Variants in GTF3C5 observed in about 807,000 individuals in gnomAD.
GTF3C5 encodes general transcription factor 3C polypeptide 5.
A neutral mutation model predicts 61.0 loss-of-function variants in GTF3C5; 47 were observed. That is an observed-to-expected ratio of 0.77 (90% CI 0.61 to 0.98). GTF3C5 has a LOEUF of 0.98. Among genes scored for constraint, GTF3C5 ranks in the 50% least tolerant of loss-of-function variants. The pLI, the probability that GTF3C5 is intolerant of heterozygous loss-of-function variation, is 0.00. For synonymous variants in GTF3C5, 295 were observed against 275.4 expected, an observed-to-expected ratio of 1.07 and a Z score of -0.71; for missense variants, 659 against 703.3, an observed-to-expected ratio of 0.94 and a Z score of 0.71.
rs919758170 is a variant in GTF3C5 at position 133,055,903 on chromosome 9, C to T, written c.1168-109C>T. ...TGTCTGCCCAACCTGCTCCTGGTGA[C>T]CAGCCAGCTCCCTGGAGAGACCCCA... is the stretch of plus-strand genomic sequence containing the variant. On this transcript the variant is annotated intron_variant, in intron 8 of 10. Transcript: ENST00000372097. 3.1e-5 allele frequency: 47 copies of T among 1,498,330 alleles called. No homozygotes were observed. In the African/African-American group the frequency reaches 5.8e-4, roughly 19 times the overall value. The allele number at this position is 1,498,330 out of a possible 1,614,324, so 92.8% of individuals were successfully genotyped here.
chr9:133,053,861 T>C lies in GTF3C5; in HGVS notation c.907T>C (p.Phe303Leu). The change falls in exon 6 of 11, where the codon TTT (phenylalanine) becomes CTT (leucine). Residue 303 changes from phenylalanine (F) to leucine (L), a missense_variant. Transcript: ENST00000372097. Reference protein sequence around the residue: ...TGPWRSLWIRFGYDPRKNPDA... With the variant: ...TGPWRSLWIRLGYDPRKNPDA... ...CCCCTGGCGCAGCCTATGGATTCGA[T>C]TTGGGTATGACCCCCGAAAAAACCC... 6.2e-7 allele frequency: 1 copy of C among 1,612,654 alleles called. No homozygotes were observed. Among genetic ancestry groups the C allele is most frequent in the Non-Finnish European group, 8.5e-7 (1 of 1,179,026 alleles).
chr9:133,049,446 A>G (rs1850307484), intron 3 of GTF3C5, among the ~76,000 whole-genome samples: 1 of 152,256 alleles, frequency 6.6e-6, no homozygotes, highest in East Asian at 1.9e-4. Flanking sequence ...GTAAGTGTGC[A>G]GATGCTATGT....
At chr9:133,045,404 G>A (rs1351883596) in intron 3 of GTF3C5, among the ~76,000 whole-genome samples, 1 of 152,192 alleles carries the variant, frequency 6.6e-6, no homozygotes, top group East Asian at 1.9e-4. Flanking sequence ...CCTGATTTTT[G>A]TATGCTCTAC....
At chr9:133,040,408 C>G (rs553743505) in intron 1 of GTF3C5, among the ~76,000 whole-genome samples, 1 of 152,094 alleles carries the variant, frequency 6.6e-6, no homozygotes, top group Non-Finnish European at 1.5e-5. Context: ...TCGTTGTGAC[C>G]CAGCATTGGG....
At chr9:133,036,228 TAGG>T (rs1849856177) in intron 1 of GTF3C5, among the ~76,000 whole-genome samples, 1 of 152,226 alleles carries the variant, frequency 6.6e-6, no homozygotes. Flanking sequence ...GATTCCCTGT[TAGG>T]AGACCTGCTG....
intron 1 of GTF3C5, 114 bp downstream of exon 1, chr9:133,031,278 T>C: frequency 2.4e-6 from 2 of 838,138 alleles, no homozygotes; most frequent in South Asian, 1.7e-5. Context: ...CGCAGAAGGG[T>C]GCTGCTCGCT....
rs567495399 is a variant in GTF3C5 at position 133,049,856 on chromosome 9, C to T, written c.573-927C>T. On this transcript the variant is annotated intron_variant, in intron 3 of 10. Coordinates refer to ENST00000372097, the MANE Select transcript of GTF3C5 (RefSeq NM_012087.4). ...GATTTCTCCTATGCCCCCCAGCCAC[C>T]CCCACTCAGCCTCCCCCGTGATCAG... Among the ~76,000 whole-genome samples, 283 of 147,228 alleles carry T rather than the reference C, an allele frequency of 1.9e-3. 1 individual carries two copies. Among genetic ancestry groups the T allele is most frequent in the South Asian group, 0.014 (67 of 4,814 alleles).
chr9:133,042,481 C>G (rs1048840095), intron 2 of GTF3C5, among the ~76,000 whole-genome samples, 175 bp downstream of exon 2: 3 of 152,246 alleles, frequency 2.0e-5, no homozygotes, highest in African/African-American at 7.2e-5. Context: ...TTCCCTCCAG[C>G]CAACAGTTCC....
In GTF3C5 at chr9:133,057,814, C is replaced by T. The variant is rs754394294; in HGVS notation, c.1394C>T (p.Ala465Val). Residue 465 changes from alanine to valine, a missense_variant and splice_region_variant, in exon 11 of 11, where the codon GCT (alanine) becomes GTT (valine). Coordinates refer to ENST00000372097, the MANE Select transcript of GTF3C5 (RefSeq NM_012087.4). ...IRQTIRSKRP[A>V]LFSSSAKADG... ...ATGGCCTTGTCTCCTCCGGCCCCAG[C>T]TCTCTTTTCCAGCTCAGCCAAGGCT... The T allele has an allele frequency of 6.3e-7, 1 of 1,598,236 alleles. No homozygotes were observed. Among genetic ancestry groups the T allele is most frequent in the Admixed American group, 1.7e-5 (1 of 58,780 alleles).
intron 1 of GTF3C5, among the ~76,000 whole-genome samples, chr9:133,031,582 T>G (rs1406566753): frequency 6.6e-6 from 1 of 152,126 alleles, no homozygotes; most frequent in Non-Finnish European, 1.5e-5. Context: ...AAATAAATTT[T>G]GGGTGCCGCA....
intron 4 of GTF3C5, among the ~76,000 whole-genome samples, chr9:133,051,506 T>C (rs1850375497): frequency 6.6e-6 from 1 of 152,226 alleles, no homozygotes; most frequent in South Asian, 2.1e-4. Flanking sequence ...GTCTTGTTGA[T>C]TTCCAGCAGT....
At chr9:133,050,213 T>G (rs1850329405) in intron 3 of GTF3C5, among the ~76,000 whole-genome samples, 1 of 152,176 alleles carries the variant, frequency 6.6e-6, no homozygotes, top group South Asian at 2.1e-4. Flanking sequence ...CTGGGCAAAT[T>G]TCCCAGTCCC....
chr9:133,034,230 G>T (rs1849806606), intron 1 of GTF3C5, among the ~76,000 whole-genome samples: 1 of 152,160 alleles, frequency 6.6e-6, no homozygotes, highest in African/African-American at 2.4e-5. Context: ...AGGGGGGTTG[G>T]CTGTCCGCCT....
rs193226378 is a variant in GTF3C5, at chr9:133,053,388, G to C, written c.874-440G>C. Among the ~76,000 whole-genome samples, 146 of 152,142 alleles carry C rather than the reference G, an allele frequency of 9.6e-4. No individual in the cohort carries two copies. The South Asian group carries it at 0.011, about 12-fold the overall frequency. Reference sequence around the variant, plus strand: ...TCGCTTGCATCCAGGAGTTTGAGACGAGCCTAGGCAACATAATGAGACCCC... The same window carrying C: ...TCGCTTGCATCCAGGAGTTTGAGACCAGCCTAGGCAACATAATGAGACCCC... On this transcript the variant is annotated intron_variant, in intron 5 of 10. Transcript: ENST00000372097.
intron 3 of GTF3C5, among the ~76,000 whole-genome samples, chr9:133,046,231 T>A (rs982669057): frequency 3.3e-5 from 5 of 152,000 alleles, no homozygotes; most frequent in Non-Finnish European, 7.4e-5. Flanking sequence ...CTCGGGAGGC[T>A]GAGGTGGAAA....
chr9:133,054,598 G>C, intron 7 of GTF3C5, 110 bp downstream of exon 7: 1 of 1,408,092 alleles, frequency 7.1e-7, no homozygotes, highest in Non-Finnish European at 9.8e-7. Flanking sequence ...GGGCTCTGCC[G>C]GTCATTCCTC....
intron 1 of GTF3C5, among the ~76,000 whole-genome samples, chr9:133,033,985 A>AT: frequency 6.6e-6 from 1 of 151,848 alleles, no homozygotes; most frequent in East Asian, 1.9e-4. Context: ...GGGTTTCTTC[A>AT]TTGTTTTTAA....
intron 5 of GTF3C5, among the ~76,000 whole-genome samples, chr9:133,053,076 G>T (rs1212983805): frequency 6.6e-6 from 1 of 152,168 alleles, no homozygotes; most frequent in Non-Finnish European, 1.5e-5. Context: ...CTAACCTCAA[G>T]TGATCTGCCT....
chr9:133,054,361 G>A lies in GTF3C5; in HGVS notation c.989-47G>A, dbSNP rs370912302. The A allele has an allele frequency of 1.7e-4, 250 of 1,500,550 alleles. No homozygotes were observed. The African/African-American group carries it at 2.8e-3, about 17-fold the overall frequency. 93.0% of individuals were successfully genotyped at this position (1,500,550 alleles called of 1,614,324 possible). ...CAGTGTGAAGCCAGTGTTGTGTGCCGACGGGCCCTGTGCCCGCCCACCTGA... is the reference window on the plus strand; with the variant it reads ...CAGTGTGAAGCCAGTGTTGTGTGCCAACGGGCCCTGTGCCCGCCCACCTGA... On this transcript the variant is annotated intron_variant, in intron 6 of 10. Coordinates refer to ENST00000372097, the MANE Select transcript of GTF3C5 (RefSeq NM_012087.4).
Sources: gnomAD v4.1 joint callset for allele counts (sites outside exome capture counted in the v4.1 genomes callset) on GRCh38, gnomAD v4.1.1 for gene constraint, MANE v1.5 for transcripts, NCBI Gene and HGNC (gene_info 2026-07-23, HGNC 2026-07-21) for gene names.